The following GPBP1 variants were observed in gnomAD, a reference collection of about 807,000 sequenced individuals.
GPBP1 encodes the protein vasculin.
A neutral mutation model predicts 56.5 loss-of-function variants in GPBP1; 13 were observed. The ratio of observed to expected loss-of-function variants is 0.23; its 90% CI spans 0.15 to 0.37. GPBP1 has a LOEUF of 0.37. GPBP1 is among the 10% of genes least tolerant of loss of function. The pLI is 1.00. For missense variants in GPBP1, 477 were observed against 572.3 expected, an observed-to-expected ratio of 0.83 and a Z score of 1.70; for synonymous variants, 204 against 188.9, an observed-to-expected ratio of 1.08 and a Z score of -0.66.
chr5:57,231,435 G>A (rs1334994804), intron 5 of GPBP1, 114 bp downstream of exon 5: 35 of 806,918 alleles, frequency 4.3e-5, no homozygotes, highest in Middle Eastern at 3.4e-4. Flanking sequence ...CACCAGGCCC[G>A]CCTAATTTTT....
intron 10 of GPBP1, among the ~76,000 whole-genome samples, chr5:57,252,008 TCTTA>T (rs1480765270): frequency 6.6e-6 from 1 of 152,248 alleles, no homozygotes; most frequent in Non-Finnish European, 1.5e-5. Flanking sequence ...AATTACATTT[TCTTA>T]CTAAGTTGTA....
At chr5:57,243,967 G>A (rs534004003) in intron 6 of GPBP1, among the ~76,000 whole-genome samples, 4 of 152,114 alleles carry the variant, frequency 2.6e-5, no homozygotes, top group African/African-American at 7.2e-5. Flanking sequence ...GGGATTACAG[G>A]CATGAGCCAC....
intron 2 of GPBP1, among the ~76,000 whole-genome samples, chr5:57,201,041 C>G (rs1158604048): frequency 6.6e-6 from 1 of 151,754 alleles, no homozygotes; most frequent in Non-Finnish European, 1.5e-5. Context: ...CCAGGCTGGT[C>G]TTGAACTCCT....
At chr5:57,197,412 G>A (rs1449695479) in intron 2 of GPBP1, among the ~76,000 whole-genome samples, 1 of 133,492 alleles carries the variant, frequency 7.5e-6, no homozygotes, top group African/African-American at 2.9e-5. Flanking sequence ...GCTGGAGTGT[G>A]CATTGGTGCG....
intron 3 of GPBP1, among the ~76,000 whole-genome samples, chr5:57,227,861 C>T (rs1756265762): frequency 6.6e-6 from 1 of 152,036 alleles, no homozygotes; most frequent in Non-Finnish European, 1.5e-5. Flanking sequence ...GACATATAGC[C>T]AGCATAGTAA....
intron 9 of GPBP1, among the ~76,000 whole-genome samples, chr5:57,250,709 A>C (rs1741343247): frequency 1.3e-5 from 2 of 151,618 alleles, no homozygotes; most frequent in African/African-American, 2.4e-5. Context: ...CGCCCAGCTA[A>C]TTTTTTTGTA....
At chr5:57,261,129 G>A in intron 10 of GPBP1, 51 bp from the exon 11 acceptor site, 1 of 1,092,198 alleles carries the variant, frequency 9.2e-7, no homozygotes, top group Non-Finnish European at 1.4e-6. Context: ...AAATGATACT[G>A]TCCTACTCAG....
At position 57,264,073 on chromosome 5, in the gene GPBP1, C is replaced by A. The variant is rs562357140; in HGVS notation, c.*1321C>A. 106 of 152,052 alleles carry A rather than the reference C, an allele frequency of 7.0e-4. 1 individual carries two copies. Among genetic ancestry groups the A allele is most frequent in the African/African-American group, 2.6e-3 (106 of 41,506 alleles). 9.4% of individuals were successfully genotyped at this position (152,052 alleles called of 1,614,324 possible). A position where few individuals can be genotyped will look rare whatever the true frequency, so the allele number is the denominator to read the frequency against. On this transcript the variant is annotated 3_prime_UTR_variant, in exon 12 of 12. Transcript: ENST00000506184. ...TGTTTTTGCTATTTCTGCATAAATA[C>A]CCTACCTGGACTCCCCAGTTTTCAC...
chr5:57,248,832 C>T (rs958298331), intron 8 of GPBP1: 2 of 152,122 alleles, frequency 1.3e-5, no homozygotes, highest in African/African-American at 2.4e-5. Context: ...ACATTAATGC[C>T]AACAAGTAAG....
At chr5:57,220,460 C>CTTTT (rs5868040) in intron 3 of GPBP1, among the ~76,000 whole-genome samples, 1 of 138,956 alleles carries the variant, frequency 7.2e-6, no homozygotes, top group Non-Finnish European at 1.6e-5. Context: ...ACAATTTAAA[C>CTTTT]TTTTTTTTTT....
At chr5:57,189,186 C>G (rs1322777100) in intron 2 of GPBP1, among the ~76,000 whole-genome samples, 1 of 152,194 alleles carries the variant, frequency 6.6e-6, no homozygotes, top group African/African-American at 2.4e-5. Flanking sequence ...TTGCCACTAT[C>G]TCAGTTCACT....
At chr5:57,179,737 A>T (rs559976242) in intron 2 of GPBP1, among the ~76,000 whole-genome samples, 1 of 151,960 alleles carries the variant, frequency 6.6e-6, no homozygotes, top group East Asian at 1.9e-4. Flanking sequence ...AGTAGCTGGG[A>T]TTACCCGCAT....
chr5:57,219,387 AAAAAAAAAAAAAAAAAC>A (rs1755833820), intron 3 of GPBP1, among the ~76,000 whole-genome samples: 1 of 57,022 alleles, frequency 1.8e-5, no homozygotes, highest in Non-Finnish European at 3.0e-5. Context: ...AAAAAAAAAA[AAAAAAAAAAAAAAAAAC>A]CAAAAACAAA....
At chr5:57,194,458 A>C (rs181805138) in intron 2 of GPBP1, among the ~76,000 whole-genome samples, 31 of 152,354 alleles carry the variant, frequency 2.0e-4, no homozygotes, top group African/African-American at 7.0e-4. Context: ...TGATAAAAGC[A>C]TACAGTGTGT....
intron 3 of GPBP1, among the ~76,000 whole-genome samples, chr5:57,214,657 A>G (rs1295045686): frequency 6.6e-6 from 1 of 152,016 alleles, no homozygotes; most frequent in Non-Finnish European, 1.5e-5. Flanking sequence ...TGTTGGCTCT[A>G]TTAAAATTTT....
chr5:57,224,418 T>C (rs571411121), intron 3 of GPBP1, among the ~76,000 whole-genome samples: 90 of 152,130 alleles, frequency 5.9e-4, no homozygotes, highest in Non-Finnish European at 4.9e-4. Flanking sequence ...AATTTTTGTA[T>C]TTTTAGTAGA....
At chr5:57,243,455 C>G (rs1005688644) in intron 6 of GPBP1, among the ~76,000 whole-genome samples, 2 of 152,062 alleles carry the variant, frequency 1.3e-5, no homozygotes, top group African/African-American at 4.8e-5. Flanking sequence ...TTTGTCATCT[C>G]TTACTCTGCT....
chr5:57,234,030 T>C (rs1397572493), intron 5 of GPBP1, among the ~76,000 whole-genome samples: 1 of 152,216 alleles, frequency 6.6e-6, no homozygotes, highest in East Asian at 1.9e-4. Context: ...TCTAATAGTA[T>C]ACTTTAAAGA....
chr5:57,255,833 G>T (rs975228986), intron 10 of GPBP1, among the ~76,000 whole-genome samples: 1 of 152,058 alleles, frequency 6.6e-6, no homozygotes. Flanking sequence ...CATTTTGATG[G>T]TTCTTCTTTC....
Sources: gnomAD v4.1 joint callset for allele counts (sites outside exome capture counted in the v4.1 genomes callset) on GRCh38, gnomAD v4.1.1 for gene constraint, MANE v1.5 for transcripts, NCBI Gene and HGNC (gene_info 2026-07-23, HGNC 2026-07-21) for gene names.